The following MORC1 variants were observed in gnomAD, a reference collection of about 807,000 sequenced individuals.
The protein encoded by MORC1 is MORC family CW-type zinc finger protein 1.
A neutral mutation model predicts 134.9 loss-of-function variants in MORC1; 59 were observed. The ratio of observed to expected loss-of-function variants is 0.44; its 90% CI spans 0.35 to 0.54. The LOEUF (loss-of-function observed/expected upper bound fraction) is 0.54, where lower values mean the gene tolerates loss of function less well. MORC1 is among the 20% of genes least tolerant of loss of function. The pLI, the probability that MORC1 is intolerant of heterozygous loss-of-function variation, is 0.00. For missense variants in MORC1, 947 were observed against 1,134.5 expected (o/e 0.83, Z 2.37); for synonymous variants, 395 against 391.7 (o/e 1.01, Z -0.10).
intron 9 of MORC1, among the ~76,000 whole-genome samples, chr3:109,067,472 A>G (rs1287919132): frequency 6.6e-6 from 1 of 152,216 alleles, no homozygotes; most frequent in Non-Finnish European, 1.5e-5. Flanking sequence ...AATGGGAAGC[A>G]GCCATCACTG....
chr3:109,015,282 A>G (rs1256359951), intron 17 of MORC1, among the ~76,000 whole-genome samples: 1 of 152,204 alleles, frequency 6.6e-6, no homozygotes, highest in East Asian at 1.9e-4. Context: ...AATTGGAAGA[A>G]CACAGCAAGA....
intron 10 of MORC1, among the ~76,000 whole-genome samples, chr3:109,062,315 G>A (rs1950101714): frequency 6.6e-6 from 1 of 152,014 alleles, no homozygotes; most frequent in Admixed American, 6.5e-5. Context: ...GACAGAAAAT[G>A]CTTTAAAATC....
intron 24 of MORC1, among the ~76,000 whole-genome samples, chr3:108,979,189 G>C (rs1947644042): frequency 6.6e-6 from 1 of 152,038 alleles, no homozygotes. Context: ...AAAAAACCCA[G>C]AGTTTTTAAA....
chr3:109,070,428 T>C (rs566202109), intron 8 of MORC1, among the ~76,000 whole-genome samples: 19 of 152,226 alleles, frequency 1.2e-4, no homozygotes, highest in African/African-American at 4.6e-4. Flanking sequence ...TTTTGGGAAA[T>C]CGCCATGTCA....
chr3:109,020,604 A>C (rs1948932565), intron 17 of MORC1, among the ~76,000 whole-genome samples: 1 of 152,046 alleles, frequency 6.6e-6, no homozygotes, highest in African/African-American at 2.4e-5. Flanking sequence ...GTCTCTACTA[A>C]AAATACAAAA....
intron 21 of MORC1, among the ~76,000 whole-genome samples, chr3:108,993,403 C>T (rs980036104): frequency 4.6e-5 from 7 of 152,104 alleles, no homozygotes; most frequent in East Asian, 3.8e-4. Context: ...TGTGTCTCTC[C>T]GTACGTTTGC....
chr3:109,032,941 A>G, intron 15 of MORC1, 116 bp from the exon 16 acceptor site: 1 of 717,180 alleles, frequency 1.4e-6, no homozygotes, highest in Non-Finnish European at 2.4e-6. Flanking sequence ...AGACAACTGA[A>G]TCCTTCATCA....
At chr3:108,974,315 C>T (rs143774543) in intron 24 of MORC1, among the ~76,000 whole-genome samples, 17 of 152,140 alleles carry the variant, frequency 1.1e-4, no homozygotes, top group Non-Finnish European at 2.2e-4. Flanking sequence ...CTATAGGATA[C>T]CAAAAATCAC....
intron 16 of MORC1, among the ~76,000 whole-genome samples, chr3:109,028,523 T>C (rs757944221): frequency 1.8e-4 from 27 of 152,292 alleles, no homozygotes; most frequent in Admixed American, 6.5e-4. Flanking sequence ...TTCTAATAAC[T>C]TGTGGGTTAG....
intron 17 of MORC1, among the ~76,000 whole-genome samples, chr3:109,019,749 T>A (rs1296426585): frequency 6.6e-6 from 1 of 152,224 alleles, no homozygotes; most frequent in Non-Finnish European, 1.5e-5. Context: ...GCACTGCTGA[T>A]AGAGGCACAT....
intron 17 of MORC1, among the ~76,000 whole-genome samples, chr3:109,012,847 G>GA (rs1023944196): frequency 6.6e-6 from 1 of 151,924 alleles, no homozygotes; most frequent in Non-Finnish European, 1.5e-5. Context: ...AATCTTGAAA[G>GA]AAAAAAAACT....
intron 14 of MORC1, among the ~76,000 whole-genome samples, chr3:109,040,946 T>C (rs1576667317): frequency 6.6e-6 from 1 of 151,296 alleles, no homozygotes; most frequent in Admixed American, 6.6e-5. Context: ...ATAGAAATTA[T>C]GGAGCTGAAA....
intron 24 of MORC1, among the ~76,000 whole-genome samples, chr3:108,976,517 T>C (rs1236105352): frequency 2.0e-5 from 3 of 152,024 alleles, no homozygotes; most frequent in Non-Finnish European, 4.4e-5. Flanking sequence ...AACAACAAAA[T>C]ACCTTACAAA....
intron 24 of MORC1, among the ~76,000 whole-genome samples, chr3:108,979,127 TA>T (rs766362075): frequency 1.5e-4 from 23 of 152,016 alleles, no homozygotes; most frequent in Non-Finnish European, 2.8e-4. Flanking sequence ...ACAAAACAAG[TA>T]AAACTCAATT....
intron 8 of MORC1, among the ~76,000 whole-genome samples, chr3:109,077,480 A>C (rs1306715328): frequency 1.3e-5 from 2 of 152,186 alleles, no homozygotes; most frequent in East Asian, 3.8e-4. Flanking sequence ...AATGAAATAC[A>C]TACTAATTAA....
chr3:109,020,734 C>T (rs1288310550), intron 17 of MORC1, among the ~76,000 whole-genome samples: 4 of 137,584 alleles, frequency 2.9e-5, no homozygotes, highest in African/African-American at 1.1e-4. Flanking sequence ...CACTGCACTC[C>T]AGCCTGGGCG....
At chr3:109,102,222 G>C (rs184478720) in intron 4 of MORC1, among the ~76,000 whole-genome samples, 10 of 152,142 alleles carry the variant, frequency 6.6e-5, no homozygotes, top group Admixed American at 6.6e-4. Flanking sequence ...TGAGGGGTCA[G>C]CCATGTGTGG....
intron 8 of MORC1, among the ~76,000 whole-genome samples, chr3:109,075,129 ACAAT>A (rs1373457293): frequency 2.0e-5 from 3 of 152,328 alleles, no homozygotes; most frequent in African/African-American, 7.2e-5. Flanking sequence ...ATGGCAGTAG[ACAAT>A]CAATATCTCC....
intron 14 of MORC1, among the ~76,000 whole-genome samples, chr3:109,047,489 A>G (rs1949720390): frequency 6.6e-6 from 1 of 152,182 alleles, no homozygotes; most frequent in African/African-American, 2.4e-5. Context: ...AGTGCTTTCA[A>G]TGGTAGTAAT....
Sources: gnomAD v4.1 joint callset for allele counts (sites outside exome capture counted in the v4.1 genomes callset) on GRCh38, gnomAD v4.1.1 for gene constraint, MANE v1.5 for transcripts, NCBI Gene and HGNC (gene_info 2026-07-23, HGNC 2026-07-21) for gene names.